Variants in MAML3 observed in about 807,000 individuals in gnomAD.
MAML3 encodes mastermind like transcriptional coactivator 3.
MAML3 carries 27 observed loss-of-function variants against 101.9 expected under a neutral mutation model. The observed-to-expected ratio is 0.27, with a 90% CI of 0.20 to 0.37. The LOEUF is 0.37. Among genes scored for constraint, MAML3 ranks in the 10% least tolerant of loss-of-function variants. MAML3 has a pLI of 1.00. For missense variants in MAML3, 1,316 were observed against 1,444.9 expected, an observed-to-expected ratio of 0.91 and a Z score of 1.45; for synonymous variants, 501 against 555.9, an observed-to-expected ratio of 0.90 and a Z score of 1.39.
intron 1 of MAML3, among the ~76,000 whole-genome samples, chr4:139,974,754 T>C (rs1405862623): frequency 3.3e-5 from 5 of 152,128 alleles, no homozygotes; most frequent in Admixed American, 2.6e-4. Context: ...TTATATTGTA[T>C]TTATTGATAA....
At chr4:139,993,187 A>C (rs1734713812) in intron 1 of MAML3, among the ~76,000 whole-genome samples, 1 of 151,866 alleles carries the variant, frequency 6.6e-6, no homozygotes, top group African/African-American at 2.4e-5. Flanking sequence ...CCCCATCTCT[A>C]GTAAAAATAC....
intron 1 of MAML3, among the ~76,000 whole-genome samples, chr4:139,924,942 A>C (rs915238103): frequency 2.6e-5 from 4 of 151,794 alleles, no homozygotes; most frequent in African/African-American, 7.3e-5. Context: ...TGATGGAAAA[A>C]CCCAAATTAA....
intron 2 of MAML3, among the ~76,000 whole-genome samples, chr4:139,760,012 A>C (rs977682847): frequency 6.6e-6 from 1 of 152,268 alleles, no homozygotes; most frequent in Non-Finnish European, 1.5e-5. Flanking sequence ...ACTTCTCAAC[A>C]ACACGGTATT....
In MAML3 at chr4:139,940,580, C is replaced by T. The variant is rs192251484; in HGVS notation, c.469-49613G>A. 1.1e-3 allele frequency among the ~76,000 whole-genome samples: 160 copies of T among 152,288 alleles called. 2 individuals carry two copies. Among genetic ancestry groups the T allele is most frequent in the Admixed American group, 9.7e-3 (148 of 15,296 alleles). ...AGTATGTGGTACCTTTTAGACCAGG[C>T]CAAAGAAAGCTGAGAAAGGAAGCAA... On this transcript the variant is annotated intron_variant, in intron 1 of 4. Coordinates refer to ENST00000509479, the MANE Select transcript of MAML3 (RefSeq NM_018717.5).
Position 139,719,419 on chromosome 4 carries a change from G to T in MAML3, c.3321C>A (p.Gly1107=). 6.2e-7 allele frequency: 1 copy of T among 1,614,010 alleles called. No individual in the cohort carries two copies. The highest frequency in any genetic ancestry group is 8.5e-7 in the Non-Finnish European group (1 of 1,179,894). The change falls in exon 5 of 5, where the codon GGC becomes GGA. Residue 1107 remains glycine (G), a synonymous_variant. Transcript: ENST00000509479. The stretch of plus-strand genomic sequence containing the variant: ...CCACAAGGTCTGCACCGTCCGGGAG[G>T]CCAGGGAAGGAACCCCCAGCTCCGT... The part of the protein sequence containing the change: ...SGDGAGGSFP[G]LPDGADLVDS...
intron 2 of MAML3, among the ~76,000 whole-genome samples, chr4:139,786,582 T>A (rs188854352): frequency 0.011 from 1,641 of 152,344 alleles, 75 homozygotes; most frequent in Admixed American, 0.088. Context: ...GAAAATGCTG[T>A]GAAGGACCTA....
chr4:140,122,661 G>A (rs1001199870), intron 1 of MAML3, among the ~76,000 whole-genome samples: 10 of 150,794 alleles, frequency 6.6e-5, no homozygotes, highest in Admixed American at 2.0e-4. Flanking sequence ...GCGTAGTGGC[G>A]GGCGCCTGTA....
rs112968216 is a variant in MAML3, at chr4:139,934,029, G to A, written c.469-43062C>T. 9.4e-3 allele frequency among the ~76,000 whole-genome samples: 1,424 copies of A among 152,292 alleles called. 21 individuals are homozygous for A. The highest frequency in any genetic ancestry group is 0.032 in the African/African-American group (1,321 of 41,562). ...TGAGTATGTGAGTGTATATGAATGTGTGTGGGACTGTGTGACACTAAGTGT... is the reference window on the plus strand; with the variant it reads ...TGAGTATGTGAGTGTATATGAATGTATGTGGGACTGTGTGACACTAAGTGT... On this transcript the variant is annotated intron_variant, in intron 1 of 4. Coordinates refer to ENST00000509479, the MANE Select transcript of MAML3 (RefSeq NM_018717.5).
chr4:140,138,023 G>T (rs1728923178), intron 1 of MAML3, among the ~76,000 whole-genome samples: 1 of 152,182 alleles, frequency 6.6e-6, no homozygotes, highest in African/African-American at 2.4e-5. Context: ...GCCCCTGAAT[G>T]ATTCATATAA....
At position 139,902,667 on chromosome 4, in the gene MAML3, A is replaced by G. The variant is rs74529536; in HGVS notation, c.469-11700T>C. 3.5e-3 allele frequency among the ~76,000 whole-genome samples: 538 copies of G among 152,318 alleles called. 7 individuals are homozygous for G. Among genetic ancestry groups the G allele is most frequent in the African/African-American group, 0.012 (504 of 41,562 alleles). The stretch of plus-strand genomic sequence containing the variant: ...CAGCCCGTAAACAGCAGAGCTCTGG[A>G]GCCTGGCGGCAGAGCTTTCATCTGT... On this transcript the variant is annotated intron_variant, in intron 1 of 4. Transcript: ENST00000509479.
intron 2 of MAML3, among the ~76,000 whole-genome samples, chr4:139,780,623 CT>C (rs35929438): frequency 0.19 from 26,032 of 136,892 alleles, 2,328 homozygotes; most frequent in Non-Finnish European, 0.22. Flanking sequence ...TCTTTCTTTT[CT>C]TTTTTTTTTT....
At chr4:140,048,863 T>G (rs533523379) in intron 1 of MAML3, among the ~76,000 whole-genome samples, 1 of 152,286 alleles carries the variant, frequency 6.6e-6, no homozygotes, top group African/African-American at 2.4e-5. Flanking sequence ...CTTTGCTAAT[T>G]TTTACATTCA....
intron 1 of MAML3, among the ~76,000 whole-genome samples, chr4:140,098,599 G>A (rs561985793): frequency 2.6e-5 from 4 of 152,318 alleles, no homozygotes; most frequent in South Asian, 4.1e-4. Context: ...CCAACTGGAC[G>A]CAGTACCAAT....
In MAML3 at chr4:139,720,033, G is replaced by C. The variant is rs370038276; in HGVS notation, c.2707C>G (p.Pro903Ala). The stretch of plus-strand genomic sequence containing the variant: ...ATTCCAACCCCCTGCCCAGAGGCAG[G>C]TTGCCTCGGTCCCTGGGCTTGGTTA... Reference protein sequence around the residue: ...THNQAQGPRQPASGQGVGMVS... With the variant: ...THNQAQGPRQAASGQGVGMVS... The change falls in exon 5 of 5, where the codon CCT becomes GCT. Residue 903 changes from proline to alanine, a missense_variant. By Grantham distance (27) the Pro-to-Ala change is conservative. Transcript: ENST00000509479. The C allele has an allele frequency of 3.7e-6, 6 of 1,614,072 alleles. No homozygotes were observed. Among genetic ancestry groups the C allele is most frequent in the Non-Finnish European group, 3.4e-6 (4 of 1,179,906 alleles).
chr4:139,982,386 C>T (rs936621412), intron 1 of MAML3, among the ~76,000 whole-genome samples: 1 of 152,024 alleles, frequency 6.6e-6, no homozygotes, highest in Non-Finnish European at 1.5e-5. Flanking sequence ...TCCTATATTT[C>T]CCCCCACCCA....
At chr4:140,109,508 G>A (rs1367595454) in intron 1 of MAML3, among the ~76,000 whole-genome samples, 1 of 152,136 alleles carries the variant, frequency 6.6e-6, no homozygotes, top group Non-Finnish European at 1.5e-5. Flanking sequence ...GTAGATCAAG[G>A]GGGAAGCAGA....
intron 1 of MAML3, among the ~76,000 whole-genome samples, chr4:139,959,851 T>C (rs1433742337): frequency 6.6e-6 from 1 of 152,224 alleles, no homozygotes; most frequent in African/African-American, 2.4e-5. Context: ...TTAGTACCCA[T>C]GATTAAAAGG....
intron 1 of MAML3, among the ~76,000 whole-genome samples, chr4:140,051,778 G>T (rs1306227986): frequency 1.3e-5 from 2 of 152,078 alleles, no homozygotes; most frequent in Admixed American, 1.3e-4. Flanking sequence ...GTTACATTGT[G>T]CTATTCTCAT....
At chr4:139,851,652 C>T (rs1382032017) in intron 2 of MAML3, among the ~76,000 whole-genome samples, 1 of 152,210 alleles carries the variant, frequency 6.6e-6, no homozygotes, top group Non-Finnish European at 1.5e-5. Flanking sequence ...GGGGCATTGG[C>T]TCAGGCCTTT....
Sources: gnomAD v4.1 joint callset for allele counts (sites outside exome capture counted in the v4.1 genomes callset) on GRCh38, gnomAD v4.1.1 for gene constraint, MANE v1.5 for transcripts, NCBI Gene and HGNC (gene_info 2026-07-23, HGNC 2026-07-21) for gene names.